The following IMPDH2 variants were observed in gnomAD, a reference collection of about 807,000 sequenced individuals.
IMPDH2 encodes the protein inosine-5'-monophosphate dehydrogenase 2.
A neutral mutation model predicts 57.8 loss-of-function variants in IMPDH2; 33 were observed. That is an observed-to-expected ratio of 0.57 (90% CI 0.43 to 0.76). IMPDH2 has a LOEUF of 0.76. IMPDH2 is among the 30% of genes least tolerant of loss of function. The pLI is 0.00. For synonymous variants in IMPDH2, 270 were observed against 241.3 expected, an observed-to-expected ratio of 1.12 and a Z score of -1.10; for missense variants, 446 against 659.1, an observed-to-expected ratio of 0.68 and a Z score of 3.54.
intron 5 of IMPDH2, 83 bp from the exon 6 acceptor site, chr3:49,027,130 G>T: frequency 1.9e-6 from 2 of 1,079,126 alleles, no homozygotes; most frequent in Non-Finnish European, 2.9e-6. Context: ...AAGTAGCTGA[G>T]CTCAGAGGCA....
chr3:49,029,362 G>A lies in IMPDH2; in HGVS notation c.-12C>T, dbSNP rs1286504689. The stretch of plus-strand genomic sequence containing the variant: ...AGGTAGTCGGCCATGGCCAACACAG[G>A]ACACCGCCGCGTGTCTCCGAGGACC... On this transcript the variant is annotated 5_prime_UTR_variant, in exon 1 of 14. Coordinates refer to ENST00000326739, the MANE Select transcript of IMPDH2 (RefSeq NM_000884.3). The A allele has an allele frequency of 1.3e-6, 2 of 1,564,600 alleles. No individual in the cohort carries two copies. The highest frequency in any genetic ancestry group is 1.7e-6 in the Non-Finnish European group (2 of 1,148,908).
chr3:49,029,375 G>C lies in IMPDH2; in HGVS notation c.-25C>G. Reference sequence around the variant, plus strand: ...TGGCCAACACAGGACACCGCCGCGTGTCTCCGAGGACCGCGCCGCAGAGAC... The same window carrying C: ...TGGCCAACACAGGACACCGCCGCGTCTCTCCGAGGACCGCGCCGCAGAGAC... On this transcript the variant is annotated 5_prime_UTR_variant, in exon 1 of 14. Transcript: ENST00000326739. 6.7e-7 allele frequency: 1 copy of C among 1,502,402 alleles called. No homozygotes were observed. The allele number at this position is 1,502,402 out of a possible 1,614,324, so 93.1% of individuals were successfully genotyped here.
intron 13 of IMPDH2, 28 bp from the exon 14 acceptor site, chr3:49,024,432 T>C (rs2093188017): frequency 6.2e-7 from 1 of 1,613,292 alleles, no homozygotes; most frequent in Non-Finnish European, 8.5e-7. Flanking sequence ...ACCTGTGAGG[T>C]GAGGGCAGGA....
intron 5 of IMPDH2, 59 bp downstream of exon 5, chr3:49,027,651 G>A: frequency 7.2e-7 from 1 of 1,393,332 alleles, no homozygotes; most frequent in Non-Finnish European, 1.0e-6. Context: ...GACAACAGAA[G>A]CCCCTTGTCT....
rs1354729350 is a variant in IMPDH2, at chr3:49,027,876, C to T, written c.365G>A (p.Ser122Asn). 6.2e-7 allele frequency: 1 copy of T among 1,614,074 alleles called. No individual in the cohort carries two copies. The highest frequency in any genetic ancestry group is 8.5e-7 in the Non-Finnish European group (1 of 1,180,016). The change falls in exon 5 of 14, where the codon AGC becomes AAC. Residue 122 changes from serine (S) to asparagine (N), a missense_variant. By Grantham distance (46) the Ser-to-Asn change is conservative. Coordinates refer to ENST00000326739, the MANE Select transcript of IMPDH2 (RefSeq NM_000884.3). ...AACATCCCGCACGCGATCCTTGGGG[C>T]TGAGGACCACAGGGTCTGTGATGAA... ...QGFITDPVVLSPKDRVRDVFE... is the reference protein window; with the variant it reads ...QGFITDPVVLNPKDRVRDVFE...
intron 11 of IMPDH2, 23 bp downstream of exon 11, chr3:49,024,873 G>C (rs1285703051): frequency 6.2e-7 from 1 of 1,614,222 alleles, no homozygotes; most frequent in South Asian, 1.1e-5. Context: ...ATTAGGGTGG[G>C]GTAACTGGCT....
intron 9 of IMPDH2, among the ~76,000 whole-genome samples, chr3:49,025,591 C>T (rs918400615): frequency 6.6e-6 from 1 of 152,158 alleles, no homozygotes; most frequent in African/African-American, 2.4e-5. Flanking sequence ...TGCAGTTAGT[C>T]CCCAGAGGCA....
rs1194381242 is a variant in IMPDH2 at position 49,026,978 on chromosome 3, G to A, written c.601C>T (p.Leu201=). Reference sequence around the variant, plus strand: ...GACTTACCCTTCTTGCTGCGCTGCAGAATTTCATTTGCCTCCTTCAGTGTG... The same window carrying A: ...GACTTACCCTTCTTGCTGCGCTGCAAAATTTCATTTGCCTCCTTCAGTGTG... ...GITLKEANEI[L]QRSKKGKLPI... Residue 201 remains leucine, a synonymous_variant, in exon 6 of 14, where the codon CTG becomes TTG. Transcript: ENST00000326739. The A allele has an allele frequency of 6.2e-7, 1 of 1,614,082 alleles. No homozygotes were observed. Among genetic ancestry groups the A allele is most frequent in the Non-Finnish European group, 8.5e-7 (1 of 1,179,922 alleles).
In IMPDH2 at chr3:49,028,873, A is replaced by C. The variant is rs1251667747; in HGVS notation, c.99-67T>G. 2.4e-6 allele frequency: 3 copies of C among 1,260,542 alleles called. No individual in the cohort carries two copies. In the East Asian group the frequency reaches 7.0e-5, roughly 29 times the overall value. 78.1% of individuals were successfully genotyped at this position (1,260,542 alleles called of 1,614,324 possible). Reference sequence around the variant, plus strand: ...TAGGGCAGCATGAGACTCCATCCCCATGTACCAATCAACCCGTAACGCATG... The same window carrying C: ...TAGGGCAGCATGAGACTCCATCCCCCTGTACCAATCAACCCGTAACGCATG... On this transcript the variant is annotated intron_variant, in intron 1 of 13. Transcript: ENST00000326739.
In IMPDH2 at chr3:49,026,953, G is replaced by C; in HGVS notation, c.619+7C>G. ...GTTCCAGGCCCTTTCCCAGCTCTAG[G>C]ACTTACCCTTCTTGCTGCGCTGCAG... On this transcript the variant is annotated splice_region_variant and intron_variant, in intron 6 of 13. Transcript: ENST00000326739. The C allele has an allele frequency of 6.2e-7, 1 of 1,613,884 alleles. No homozygotes were observed. Among genetic ancestry groups the C allele is most frequent in the South Asian group, 1.1e-5 (1 of 91,078 alleles).
At chr3:49,028,665 C>G (rs2093210300) in intron 2 of IMPDH2, 93 bp downstream of exon 2, 2 of 1,380,022 alleles carry the variant, frequency 1.4e-6, no homozygotes, top group Non-Finnish European at 2.1e-6. Flanking sequence ...AATCCACCCC[C>G]AAGCCCAATC....
chr3:49,026,213 C>T, intron 9 of IMPDH2, 111 bp downstream of exon 9: 1 of 832,040 alleles, frequency 1.2e-6, no homozygotes, highest in Non-Finnish European at 2.0e-6. Flanking sequence ...AATTTGGCCC[C>T]AGGGTTGCCC....
Position 49,024,700 on chromosome 3 carries a change from G to T in IMPDH2, c.1398C>A (p.His466Gln). ...TCTTGGCACCAATGTCCTGGCATGA[G>T]TGTTGGATGCCAGCAATCAGGTAAG... ...FVPYLIAGIQ[H>Q]SCQDIGAKSL... The change falls in exon 12 of 14, where the codon CAC becomes CAA. Residue 466 changes from histidine (H) to glutamine (Q), a missense_variant. By Grantham distance (24) the His-to-Gln change is conservative. Transcript: ENST00000326739. The T allele has an allele frequency of 6.2e-7, 1 of 1,614,236 alleles. No individual in the cohort carries two copies. Among genetic ancestry groups the T allele is most frequent in the Non-Finnish European group, 8.5e-7 (1 of 1,180,052 alleles).
Position 49,025,057 on chromosome 3 carries a change from T to A in IMPDH2, c.1151-17A>T. 1 of 1,614,010 alleles carries A rather than the reference T, an allele frequency of 6.2e-7. No individual in the cohort carries two copies. The highest frequency in any genetic ancestry group is 1.3e-5 in the African/African-American group (1 of 74,992). On this transcript the variant is annotated splice_polypyrimidine_tract_variant and intron_variant, in intron 10 of 13. Coordinates refer to ENST00000326739, the MANE Select transcript of IMPDH2 (RefSeq NM_000884.3). Reference sequence around the variant, plus strand: ...CCATCATGACTGCGGACAGATGGAGTGCTTGGGTTAGAGCCTAAGCAGCAC... The same window carrying A: ...CCATCATGACTGCGGACAGATGGAGAGCTTGGGTTAGAGCCTAAGCAGCAC...
chr3:49,028,731 C>A, intron 2 of IMPDH2, 27 bp downstream of exon 2: 1 of 1,599,648 alleles, frequency 6.3e-7, no homozygotes, highest in South Asian at 1.1e-5. Flanking sequence ...CCTTGATGTT[C>A]AGGACCCAAT....
chr3:49,029,172 CG>C, intron 1 of IMPDH2, 80 bp downstream of exon 1: 1 of 1,150,284 alleles, frequency 8.7e-7, no homozygotes, highest in Non-Finnish European at 1.3e-6. Flanking sequence ...ACGCCCAAGG[CG>C]GCTCTCGGAA....
intron 9 of IMPDH2, chr3:49,025,862 C>G (rs2093196323): frequency 5.8e-5 from 24 of 415,604 alleles, no homozygotes; most frequent in South Asian, 2.9e-4. Flanking sequence ...AGCACCACCC[C>G]CAAACCATGG....
chr3:49,025,091 G>C (rs771590999), intron 10 of IMPDH2, 35 bp downstream of exon 10: 1 of 1,614,226 alleles, frequency 6.2e-7, no homozygotes, highest in Non-Finnish European at 8.5e-7. Context: ...ACTAGGGAGG[G>C]GGTCCCACTG....
intron 9 of IMPDH2, 163 bp downstream of exon 9, chr3:49,026,161 G>C (rs1575309549): frequency 2.9e-6 from 2 of 695,054 alleles, no homozygotes; most frequent in East Asian, 5.4e-5. Flanking sequence ...TGGATGACAA[G>C]ACCTTGTCTT....
Sources: allele counts gnomAD v4.1 joint callset (sites outside exome capture counted in the v4.1 genomes callset), GRCh38; gene constraint gnomAD v4.1.1; transcripts MANE v1.5; gene names NCBI Gene and HGNC (gene_info 2026-07-23, HGNC 2026-07-21).